Variants in PTPRD observed in about 807,000 individuals in gnomAD.
The protein encoded by PTPRD is receptor-type tyrosine-protein phosphatase delta.
In PTPRD, 34 loss-of-function variants were observed where a neutral mutation model predicts 214.5. The observed-to-expected ratio is 0.16, with a 90% confidence interval of 0.12 to 0.21. PTPRD has a LOEUF of 0.21. Ranked by LOEUF, PTPRD falls within the 10% of genes least tolerant of loss-of-function variation. PTPRD has a pLI of 1.00. For synonymous variants in PTPRD, 1,128 were observed against 845.7 expected (o/e 1.33, Z -5.79); for missense variants, 2,545 against 2,398.7 (o/e 1.06, Z -1.27).
intron 10 of PTPRD, among the ~76,000 whole-genome samples, chr9:9,071,219 A>T (rs2154409503): frequency 6.6e-6 from 1 of 152,228 alleles, no homozygotes; most frequent in East Asian, 1.9e-4. Context: ...TCTACCCTGA[A>T]CTTTTATATT....
At chr9:9,357,282 C>G (rs908160410) in intron 9 of PTPRD, among the ~76,000 whole-genome samples, 13 of 151,224 alleles carry the variant, frequency 8.6e-5, no homozygotes, top group Admixed American at 6.6e-4. Context: ...TTGGGGATGT[C>G]AAATATTCTT....
intron 11 of PTPRD, among the ~76,000 whole-genome samples, chr9:8,985,480 G>T (rs1258216723): frequency 1.3e-5 from 2 of 151,982 alleles, no homozygotes; most frequent in African/African-American, 4.8e-5. Flanking sequence ...AATTTACTGT[G>T]GGTCCTACTT....
At chr9:9,597,427 G>A (rs1264982190) in intron 7 of PTPRD, among the ~76,000 whole-genome samples, 1 of 152,070 alleles carries the variant, frequency 6.6e-6, no homozygotes, top group Non-Finnish European at 1.5e-5. Flanking sequence ...CGGTTCCACA[G>A]ATAAGTCATT....
intron 8 of PTPRD, among the ~76,000 whole-genome samples, chr9:9,438,151 T>G (rs947495870): frequency 1.3e-5 from 2 of 152,168 alleles, no homozygotes; most frequent in African/African-American, 4.8e-5. Flanking sequence ...TAAATTCACT[T>G]TCACTTGATA....
At chr9:10,050,368 G>C (rs746133059) in intron 3 of PTPRD, among the ~76,000 whole-genome samples, 1 of 151,538 alleles carries the variant, frequency 6.6e-6, no homozygotes, top group Non-Finnish European at 1.5e-5. Flanking sequence ...GACCAGCCTG[G>C]CCAATATGGT....
In PTPRD at chr9:10,026,229, T is replaced by A. The variant is rs531786079; in HGVS notation, c.-472+7489A>T. 2.0e-5 allele frequency among the ~76,000 whole-genome samples: 3 copies of A among 152,252 alleles called. No homozygotes were observed. In the East Asian group the frequency reaches 5.8e-4, roughly 29 times the overall value. ...AAGCCAAACATTCTAAAACTGCCTT[T>A]GGCTAGCTGGAGGAGGAGAAATAGT... On this transcript the variant is annotated intron_variant, in intron 4 of 45. Transcript: ENST00000381196.
intron 34 of PTPRD, among the ~76,000 whole-genome samples, chr9:8,446,830 T>G (rs115141860): frequency 3.4e-4 from 52 of 152,292 alleles, no homozygotes; most frequent in African/African-American, 1.2e-3. Flanking sequence ...AACCCTTGAT[T>G]CTTCGTGAAA....
chr9:9,100,444 T>C (rs922438348), intron 10 of PTPRD, among the ~76,000 whole-genome samples: 4 of 152,174 alleles, frequency 2.6e-5, no homozygotes, highest in African/African-American at 9.6e-5. Flanking sequence ...CAAATGCTAC[T>C]GTTTATTTTG....
intron 5 of PTPRD, among the ~76,000 whole-genome samples, chr9:9,778,694 G>A (rs890483125): frequency 1.3e-5 from 2 of 152,058 alleles, no homozygotes; most frequent in East Asian, 1.9e-4. Context: ...AATGCTCTAC[G>A]TTCATACACT....
At chr9:9,395,484 A>C (rs2141100283) in intron 9 of PTPRD, among the ~76,000 whole-genome samples, 1 of 152,242 alleles carries the variant, frequency 6.6e-6, no homozygotes, top group South Asian at 2.1e-4. Flanking sequence ...GGTTTAAGAA[A>C]GGAGAGTTTT....
Position 9,779,078 on chromosome 9 carries a change from C to CAAAAAAAAAAAAAAAAAAA in PTPRD, c.-367-12246_-367-12228dup, listed in dbSNP as rs869120926. Reference sequence around the variant, plus strand: ...GCCATGTGATCTTTCATAAGACTGACAAAAAAAAAAAAAAAAAAAAAAAAA... The same window carrying CAAAAAAAAAAAAAAAAAAA: ...GCCATGTGATCTTTCATAAGACTGACAAAAAAAAAAAAAAAAAAAAAAAAAAAAAAAAAAAAAAAAAAAA... On this transcript the variant is annotated intron_variant, in intron 5 of 45. Transcript: ENST00000381196. Among the ~76,000 whole-genome samples the CAAAAAAAAAAAAAAAAAAA allele has an allele frequency of 4.4e-3, 199 of 45,466 alleles. 30 individuals are homozygous for CAAAAAAAAAAAAAAAAAAA. Among genetic ancestry groups the CAAAAAAAAAAAAAAAAAAA allele is most frequent in the Non-Finnish European group, 6.4e-3 (157 of 24,706 alleles). The allele number at this position is 45,466 out of a possible 152,430, so 29.8% of individuals were successfully genotyped here. A position where few individuals can be genotyped will look rare whatever the true frequency, so the allele number is the denominator to read the frequency against.
rs1555536518 is a variant in PTPRD, at chr9:8,929,741, A to ATATGTGTATATATATG, written c.-104+88955_-104+88956insCATATATATACACATA. Reference sequence around the variant, plus strand: ...TGTGTATATATATATGTGTATATATATGTGTATATATATATGTATATATAT... The same window carrying ATATGTGTATATATATG: ...TGTGTATATATATATGTGTATATATATATGTGTATATATATGTGTGTATATATATATGTATATATAT... On this transcript the variant is annotated intron_variant, in intron 11 of 45. Coordinates refer to ENST00000381196, the MANE Select transcript of PTPRD (RefSeq NM_002839.4). Among the ~76,000 whole-genome samples, 449 of 101,614 alleles carry ATATGTGTATATATATG rather than the reference A, an allele frequency of 4.4e-3. 9 individuals are homozygous for ATATGTGTATATATATG. The East Asian group carries it at 0.045, about 10-fold the overall frequency. 66.7% of individuals were successfully genotyped at this position (101,614 alleles called of 152,430 possible).
chr9:9,094,238 C>T (rs968079327), intron 10 of PTPRD, among the ~76,000 whole-genome samples: 1 of 152,106 alleles, frequency 6.6e-6, no homozygotes, highest in African/African-American at 2.4e-5. Flanking sequence ...ATATTTATAG[C>T]AGCCACAACT....
chr9:8,961,025 A>G lies in PTPRD; in HGVS notation c.-104+57672T>C, dbSNP rs143545598. Among the ~76,000 whole-genome samples the G allele has an allele frequency of 2.1e-3, 316 of 152,258 alleles. 1 individual carries two copies. Among genetic ancestry groups the G allele is most frequent in the African/African-American group, 7.4e-3 (306 of 41,568 alleles). On this transcript the variant is annotated intron_variant, in intron 11 of 45. Coordinates refer to ENST00000381196, the MANE Select transcript of PTPRD (RefSeq NM_002839.4). ...CTCATTGTCTACTAGGGAGTCAAAT[A>G]TCAACAATCAATTACAATTAATATA... is the stretch of plus-strand genomic sequence containing the variant.
intron 10 of PTPRD, among the ~76,000 whole-genome samples, chr9:9,177,088 C>A (rs1248799258): frequency 6.6e-6 from 1 of 152,186 alleles, no homozygotes; most frequent in African/African-American, 2.4e-5. Context: ...GTTTAATTGA[C>A]TCACAGTTTA....
chr9:10,109,182 G>A (rs1348881598), intron 3 of PTPRD, among the ~76,000 whole-genome samples: 1 of 152,166 alleles, frequency 6.6e-6, no homozygotes, highest in African/African-American at 2.4e-5. Flanking sequence ...CTACAAGCAA[G>A]TTCTTTCTGT....
At chr9:9,592,910 T>C (rs941778569) in intron 7 of PTPRD, among the ~76,000 whole-genome samples, 1 of 151,914 alleles carries the variant, frequency 6.6e-6, no homozygotes, top group Non-Finnish European at 1.5e-5. Context: ...CCAGATGTGG[T>C]GGTACACACC....
chr9:10,261,081 GTATATA>G (rs57737102), intron 3 of PTPRD, among the ~76,000 whole-genome samples: 2 of 145,632 alleles, frequency 1.4e-5, no homozygotes, highest in Admixed American at 6.9e-5. Flanking sequence ...ATATATGTGT[GTATATA>G]TATATATATA....
intron 3 of PTPRD, among the ~76,000 whole-genome samples, chr9:10,156,028 A>C (rs567543168): frequency 6.7e-6 from 1 of 150,038 alleles, no homozygotes; most frequent in African/African-American, 2.5e-5. Context: ...AAACTCTTCT[A>C]TTATGTTTTT....
Sources: gnomAD v4.1 joint callset for allele counts (sites outside exome capture counted in the v4.1 genomes callset) on GRCh38, gnomAD v4.1.1 for gene constraint, MANE v1.5 for transcripts, NCBI Gene and HGNC (gene_info 2026-07-23, HGNC 2026-07-21) for gene names.